The following CORIN variants were observed in gnomAD, a reference collection of about 807,000 sequenced individuals.
CORIN encodes atrial natriuretic peptide-converting enzyme.
Under a neutral mutation model 125.3 loss-of-function variants are expected in CORIN, and 117 were observed. That is an observed-to-expected ratio of 0.93 (90% CI 0.80 to 1.09). CORIN has a LOEUF of 1.09. Ranked by LOEUF, CORIN falls within the 50% of genes least tolerant of loss-of-function variation. The probability of loss-of-function intolerance (pLI) is 0.00; values close to 1 mark genes in which losing one functional copy is unlikely to be tolerated. For synonymous variants in CORIN, 450 were observed against 466.4 expected, an observed-to-expected ratio of 0.96 and a Z score of 0.45; for missense variants, 1,253 against 1,306.7, an observed-to-expected ratio of 0.96 and a Z score of 0.63.
chr4:47,632,127 C>T (rs1328987229), intron 16 of CORIN: 1 of 152,136 alleles, frequency 6.6e-6, no homozygotes, highest in Non-Finnish European at 1.5e-5. Flanking sequence ...ACTTAAAAAA[C>T]GAAGGTCATC....
chr4:47,624,558 G>C (rs543733133), intron 17 of CORIN, among the ~76,000 whole-genome samples: 33 of 152,284 alleles, frequency 2.2e-4, no homozygotes, highest in Non-Finnish European at 4.3e-4. Flanking sequence ...AGGAAAAGTA[G>C]CTTAAATTTG....
intron 17 of CORIN, among the ~76,000 whole-genome samples, chr4:47,625,854 A>G (rs1722533099): frequency 6.6e-6 from 1 of 152,204 alleles, no homozygotes; most frequent in South Asian, 2.1e-4. Context: ...TGTGCCTATA[A>G]AGTAATAAGA....
intron 10 of CORIN, among the ~76,000 whole-genome samples, chr4:47,671,959 G>C (rs955899155): frequency 9.9e-5 from 15 of 152,230 alleles, no homozygotes; most frequent in African/African-American, 3.6e-4. Context: ...ACTCAGAAGA[G>C]AGCAGGTGCA....
intron 15 of CORIN, 40 bp from the exon 16 acceptor site, chr4:47,642,089 A>T (rs1260928493): frequency 6.3e-7 from 1 of 1,597,034 alleles, no homozygotes; most frequent in African/African-American, 1.3e-5. Context: ...AATTAAAAAC[A>T]TTTCTTCCCA....
intron 1 of CORIN, among the ~76,000 whole-genome samples, chr4:47,824,116 CTTT>C (rs199752598): frequency 2.9e-5 from 4 of 139,248 alleles, no homozygotes; most frequent in Admixed American, 7.2e-5. Flanking sequence ...AATGCTATTC[CTTT>C]TTTTTTTTTT....
chr4:47,681,998 A>G (rs944686676), intron 7 of CORIN: 1 of 152,218 alleles, frequency 6.6e-6, no homozygotes, highest in African/African-American at 2.4e-5. Flanking sequence ...AGCAACATGG[A>G]TGAGCCTGGA....
intron 14 of CORIN, 27 bp downstream of exon 14, chr4:47,645,054 T>A (rs779007133): frequency 1.5e-6 from 2 of 1,318,726 alleles, no homozygotes; most frequent in Non-Finnish European, 2.2e-6. Flanking sequence ...AAAAATGCTC[T>A]GTTGACAAAT....
intron 1 of CORIN, among the ~76,000 whole-genome samples, chr4:47,816,552 A>G (rs1732276807): frequency 6.6e-6 from 1 of 152,196 alleles, no homozygotes; most frequent in South Asian, 2.1e-4. Context: ...GGTGACTTCA[A>G]TACCCTATGA....
intron 3 of CORIN, among the ~76,000 whole-genome samples, chr4:47,776,374 C>A (rs146534271): frequency 2.0e-5 from 3 of 150,364 alleles, no homozygotes; most frequent in Admixed American, 6.6e-5. Context: ...GAACTTCAGC[C>A]TCCCAGGCTC....
At chr4:47,672,617 T>C (rs369897498) in intron 10 of CORIN, among the ~76,000 whole-genome samples, 15 of 152,144 alleles carry the variant, frequency 9.9e-5, no homozygotes, top group East Asian at 7.7e-4. Context: ...AAATATGTTA[T>C]ACGTGTGTGT....
At chr4:47,666,558 G>C (rs545842419) in intron 10 of CORIN, among the ~76,000 whole-genome samples, 1 of 152,294 alleles carries the variant, frequency 6.6e-6, no homozygotes, top group African/African-American at 2.4e-5. Context: ...CCATTCATAC[G>C]CTGAAACTCT....
intron 5 of CORIN, chr4:47,707,034 A>G (rs1726604086): frequency 6.8e-7 from 1 of 1,460,778 alleles, no homozygotes; most frequent in Non-Finnish European, 9.0e-7. Context: ...AATTTAGGAC[A>G]GTCATGTCTG....
At chr4:47,636,465 T>C (rs1723031896) in intron 16 of CORIN, among the ~76,000 whole-genome samples, 1 of 152,216 alleles carries the variant, frequency 6.6e-6, no homozygotes. Context: ...CAATATGCTG[T>C]TGACATGATT....
chr4:47,788,971 A>C (rs73150683), intron 2 of CORIN, among the ~76,000 whole-genome samples: 1,861 of 152,272 alleles, frequency 0.012, 50 homozygotes, highest in African/African-American at 0.042. Context: ...TCATTTTAAT[A>C]TTTCCTTTAT....
intron 16 of CORIN, among the ~76,000 whole-genome samples, chr4:47,629,464 T>C (rs766552221): frequency 5.9e-5 from 9 of 152,208 alleles, no homozygotes; most frequent in Non-Finnish European, 1.2e-4. Context: ...TATGGTTTTT[T>C]TAAATAACTT....
intron 5 of CORIN, 61 bp downstream of exon 5, chr4:47,744,341 C>A: frequency 7.1e-7 from 1 of 1,415,768 alleles, no homozygotes; most frequent in Admixed American, 1.8e-5. Flanking sequence ...ATATCCATTC[C>A]TGTATAAATG....
At chr4:47,600,178 G>C in intron 21 of CORIN, 36 bp downstream of exon 21, 1 of 1,579,760 alleles carries the variant, frequency 6.3e-7, no homozygotes, top group South Asian at 1.2e-5. Context: ...AGTTATTGTT[G>C]AACTGAATCT....
At chr4:47,707,703 T>C (rs1726640509) in intron 5 of CORIN, among the ~76,000 whole-genome samples, 1 of 152,248 alleles carries the variant, frequency 6.6e-6, no homozygotes, top group East Asian at 1.9e-4. Context: ...AGAATTTAGA[T>C]GAGAAAATAG....
intron 20 of CORIN, among the ~76,000 whole-genome samples, chr4:47,602,406 A>T (rs1721482974): frequency 2.0e-5 from 3 of 152,244 alleles, no homozygotes; most frequent in Non-Finnish European, 4.4e-5. Context: ...ATGTTAAGTC[A>T]TCTACAGAGC....
Sources: gnomAD v4.1 joint callset for allele counts (sites outside exome capture counted in the v4.1 genomes callset) on GRCh38, gnomAD v4.1.1 for gene constraint, MANE v1.5 for transcripts, NCBI Gene and HGNC (gene_info 2026-07-23, HGNC 2026-07-21) for gene names.